STON2: variants seen among roughly 807,000 people sequenced by gnomAD.
STON2 encodes the protein stonin-2.
Under a neutral mutation model 65.7 loss-of-function variants are expected in STON2, and 29 were observed. The observed-to-expected ratio is 0.44, with a 90% CI of 0.33 to 0.60. The LOEUF (loss-of-function observed/expected upper bound fraction) is 0.60, where lower values mean the gene tolerates loss of function less well. Ranked by LOEUF, STON2 falls within the 20% of genes least tolerant of loss-of-function variation. STON2 has a pLI of 0.03. For synonymous variants in STON2, 404 were observed against 414.2 expected, an observed-to-expected ratio of 0.98 and a Z score of 0.30; for missense variants, 1,054 against 1,118.1, an observed-to-expected ratio of 0.94 and a Z score of 0.82.
At position 81,414,902 on chromosome 14, in the gene STON2, G is replaced by A. The variant is rs572149905; in HGVS notation, c.-199+12200C>T. On this transcript the variant is annotated intron_variant, in intron 2 of 8. Transcript: ENST00000553821. The stretch of plus-strand genomic sequence containing the variant: ...ATGCTTGGTGGCCTGATGTGGGTGA[G>A]GATGCTTGCTGGGCTGCAGAGTGTT... Among the ~76,000 whole-genome samples, 20 of 152,268 alleles carry A rather than the reference G, an allele frequency of 1.3e-4. 2 individuals carry two copies. The highest frequency in any genetic ancestry group is 1.2e-3 in the Admixed American group (19 of 15,294).
Position 81,275,152 on chromosome 14 carries a change from T to A in STON2, c.2581+1749A>T, listed in dbSNP as rs547716242. Among the ~76,000 whole-genome samples, 1,500 of 152,208 alleles carry A rather than the reference T, an allele frequency of 9.9e-3. 27 individuals are homozygous for A. The highest frequency in any genetic ancestry group is 0.035 in the African/African-American group (1,440 of 41,520). ...TTGTTGCTTATAATAATAATAATAA[T>A]AAACCTTCATGCAGTACTTTTAAAT... On this transcript the variant is annotated intron_variant, in intron 6 of 7. Transcript: ENST00000614646.
intron 4 of STON2, among the ~76,000 whole-genome samples, chr14:81,348,608 A>G (rs2140309831): frequency 6.6e-6 from 1 of 152,332 alleles, no homozygotes; most frequent in African/African-American, 2.4e-5. Flanking sequence ...GGACATCAAA[A>G]AAATGGAAAG....
At position 81,292,601 on chromosome 14, in the gene STON2, G is replaced by A. The variant is rs149813214; in HGVS notation, c.743-13862C>T. Among the ~76,000 whole-genome samples, 162 of 152,292 alleles carry A rather than the reference G, an allele frequency of 1.1e-3. 2 individuals carry two copies. In the East Asian group the frequency reaches 0.029, roughly 27 times the overall value. ...TTCCTGCCACCATGTGAAGAAGGAT[G>A]TGTTTGGTTCCCCTTCCATCATGTT... On this transcript the variant is annotated intron_variant, in intron 5 of 7. Coordinates refer to ENST00000614646, the MANE Select transcript of STON2 (RefSeq NM_001394390.1).
intron 3 of STON2, among the ~76,000 whole-genome samples, chr14:81,373,763 T>C (rs1899114932): frequency 6.6e-6 from 1 of 152,140 alleles, no homozygotes. Flanking sequence ...AAGGGTAAGT[T>C]AGAAATAACC....
chr14:81,347,593 A>T (rs1444132026), intron 4 of STON2, among the ~76,000 whole-genome samples: 1 of 143,700 alleles, frequency 7.0e-6, no homozygotes, highest in Non-Finnish European at 1.5e-5. Flanking sequence ...TTACCCTGAT[A>T]TCAAACTGGA....
chr14:81,307,057 CTG>C (rs1160786180), intron 5 of STON2, among the ~76,000 whole-genome samples: 1 of 152,236 alleles, frequency 6.6e-6, no homozygotes, highest in Non-Finnish European at 1.5e-5. Flanking sequence ...GAAACTCTGA[CTG>C]TTATAACTGG....
Position 81,261,622 on chromosome 14 carries a change from CCTT to C in STON2, c.*6789_*6791del. On this transcript the variant is annotated 3_prime_UTR_variant, in exon 8 of 8. Coordinates refer to ENST00000614646, the MANE Select transcript of STON2 (RefSeq NM_001394390.1). ...TCCCAGGATGTTTACTGAGTGTCCT[CCTT>C]CAATTTTCACAATATTTTATACAAA... The C allele has an allele frequency of 4.4e-6, 3 of 683,296 alleles. No individual in the cohort carries two copies. Among genetic ancestry groups the C allele is most frequent in the Non-Finnish European group, 6.2e-6 (3 of 481,666 alleles). The allele number at this position is 683,296 out of a possible 1,614,324, so 42.3% of individuals were successfully genotyped here.
Position 81,262,736 on chromosome 14 carries a change from T to C in STON2, c.*5678A>G, listed in dbSNP as rs1015665793. The C allele has an allele frequency of 1.1e-5, 11 of 985,360 alleles. No individual in the cohort carries two copies. The highest frequency in any genetic ancestry group is 1.3e-5 in the Non-Finnish European group (11 of 829,942). The allele number at this position is 985,360 out of a possible 1,614,324, so 61.0% of individuals were successfully genotyped here. ...CAATTCTCAAAACAACTAGACTCTT[T>C]CCAGCAGATTTGCTAAGGCACACTA... is the stretch of plus-strand genomic sequence containing the variant. On this transcript the variant is annotated 3_prime_UTR_variant, in exon 8 of 8. Coordinates refer to ENST00000614646, the MANE Select transcript of STON2 (RefSeq NM_001394390.1).
At chr14:81,395,781 T>C in intron 3 of STON2, 113 bp downstream of exon 3, 3 of 1,074,974 alleles carry the variant, frequency 2.8e-6, no homozygotes, top group Admixed American at 2.1e-5. Context: ...ATGCGACCAG[T>C]GCTTCAGGGT....
At chr14:81,317,946 GT>G (rs2099822895) in intron 5 of STON2, among the ~76,000 whole-genome samples, 1 of 151,158 alleles carries the variant, frequency 6.6e-6, no homozygotes, top group South Asian at 2.1e-4. Context: ...TTTCTCTTTT[GT>G]TTTTTATTTA....
At chr14:81,382,431 T>A in intron 3 of STON2, among the ~76,000 whole-genome samples, 1 of 152,122 alleles carries the variant, frequency 6.6e-6, no homozygotes, top group East Asian at 1.9e-4. Flanking sequence ...TTATTCCATA[T>A]ATATAAAGTT....
intron 5 of STON2, among the ~76,000 whole-genome samples, chr14:81,308,824 A>ATGTGTGTGTGTGTGTGTGTGTGTGTGTG (rs1210133523): frequency 9.6e-5 from 1 of 10,460 alleles, no homozygotes; most frequent in African/African-American, 3.8e-4. Flanking sequence ...ATATATATAT[A>ATGTGTGTGTGTGTGTGTGTGTGTGTGTG]TGTGTGTGTG....
rs116843877 is a variant in STON2, at chr14:81,397,205, C to A, written c.89-1027G>T. On this transcript the variant is annotated intron_variant, in intron 2 of 7. Transcript: ENST00000614646. ...TTTAATCAAATAATTAATATAAAAT[C>A]TTTTCTCCCATCACTAGCCAACCGG... Among the ~76,000 whole-genome samples the A allele has an allele frequency of 5.2e-4, 79 of 152,184 alleles. 1 individual carries two copies. The East Asian group carries it at 0.014, about 28-fold the overall frequency.
At chr14:81,411,395 C>G (rs1901150564) in intron 2 of STON2, among the ~76,000 whole-genome samples, 1 of 152,180 alleles carries the variant, frequency 6.6e-6, no homozygotes, top group African/African-American at 2.4e-5. Context: ...TAAATACCAG[C>G]TAGATGTTCA....
upstream of STON2, among the ~76,000 whole-genome samples, chr14:81,403,303 T>A (rs1290598769): frequency 6.6e-6 from 1 of 152,214 alleles, no homozygotes; most frequent in Admixed American, 6.5e-5. Context: ...CAACAAGCAT[T>A]TATGCCAAGT....
intron 1 of STON2, among the ~76,000 whole-genome samples, chr14:81,429,864 G>A (rs1013648826): frequency 7.9e-5 from 12 of 152,002 alleles, no homozygotes; most frequent in African/African-American, 2.9e-4. Context: ...GAACCCGGGA[G>A]GCGGAGGTTG....
intron 2 of STON2, among the ~76,000 whole-genome samples, chr14:81,397,763 C>T (rs1900397882): frequency 2.0e-5 from 3 of 152,186 alleles, no homozygotes; most frequent in Admixed American, 2.0e-4. Context: ...GCTCTTTCCA[C>T]GTGCCAGGCA....
chr14:81,263,551 A>C lies in STON2; in HGVS notation c.*4863T>G, dbSNP rs555666505. ...AGACTCCGTCTCAAAAAAAAAAAAA[A>C]AAAAAAAAACAAAAAAGAAAATGCT... On this transcript the variant is annotated 3_prime_UTR_variant, in exon 8 of 8. Transcript: ENST00000614646. The C allele has an allele frequency of 9.3e-3, 1,773 of 191,024 alleles. 33 individuals are homozygous for C. The highest frequency in any genetic ancestry group is 0.041 in the African/African-American group (1,713 of 41,888). The allele number at this position is 191,024 out of a possible 1,614,324, so 11.8% of individuals were successfully genotyped here.
chr14:81,274,139 C>A (rs886246543), intron 6 of STON2, among the ~76,000 whole-genome samples: 2 of 151,738 alleles, frequency 1.3e-5, no homozygotes, highest in Non-Finnish European at 2.9e-5. Context: ...CTCAAGTTTC[C>A]AAAAAAGGGT....
Sources: gnomAD v4.1 joint callset for allele counts (sites outside exome capture counted in the v4.1 genomes callset) on GRCh38, gnomAD v4.1.1 for gene constraint, MANE v1.5 for transcripts, NCBI Gene and HGNC (gene_info 2026-07-23, HGNC 2026-07-21) for gene names.